Variants in EDARADD observed in about 807,000 individuals in gnomAD.
EDARADD encodes the protein ectodysplasin-A receptor-associated adapter protein.
A neutral mutation model predicts 25.6 loss-of-function variants in EDARADD; 20 were observed. That is an observed-to-expected ratio of 0.78 (90% CI 0.55 to 1.14). The LOEUF is 1.14. Ranked by LOEUF, EDARADD falls within the 50% of genes most tolerant of loss-of-function variation. The probability of loss-of-function intolerance (pLI) is 0.00; values close to 1 mark genes in which losing one functional copy is unlikely to be tolerated. For synonymous variants in EDARADD, 86 were observed against 94.4 expected (o/e 0.91, Z 0.52); for missense variants, 225 against 270.1 (o/e 0.83, Z 1.17).
rs1036785743 is a variant in EDARADD at position 236,411,876 on chromosome 1, A to C, written c.121-2384A>C. Among the ~76,000 whole-genome samples the C allele has an allele frequency of 2.0e-5, 3 of 152,108 alleles. No homozygotes were observed. In the East Asian group the frequency reaches 5.8e-4, roughly 29 times the overall value. On this transcript the variant is annotated intron_variant, in intron 2 of 5. Transcript: ENST00000334232. The stretch of plus-strand genomic sequence containing the variant: ...CTCGTCTCTTCTTTTAAAGATACCA[A>C]TCATATTGGGTCAAGGGCCTACCCT...
chr1:236,458,264 C>T (rs1465806115), intron 4 of EDARADD, among the ~76,000 whole-genome samples: 4 of 152,190 alleles, frequency 2.6e-5, no homozygotes, highest in Non-Finnish European at 5.9e-5. Context: ...AACTCCCATG[C>T]CCGTTGGCAG....
intron 3 of EDARADD, among the ~76,000 whole-genome samples, chr1:236,359,977 C>T (rs561471032): frequency 1.3e-5 from 2 of 152,192 alleles, no homozygotes; most frequent in East Asian, 3.9e-4. Context: ...AAATCTTCCC[C>T]TAAATAGATA....
chr1:236,395,574 C>T lies in EDARADD; in HGVS notation c.61+1069C>T, dbSNP rs1449231378. 2 of 1,544,478 alleles carry T rather than the reference C, an allele frequency of 1.3e-6. No individual in the cohort carries two copies. The highest frequency in any genetic ancestry group is 2.0e-5 in the Admixed American group (1 of 51,270). ...TCCCCGTGGTCCCACGGTCCTCCCG[C>T]GCCCCGGAGGCCTGCCAGCCCCGCT... is the stretch of plus-strand genomic sequence containing the variant. On this transcript the variant is annotated intron_variant, in intron 1 of 5. Transcript: ENST00000334232. This position sits in a 1 kb window ranked among gnomAD's most constrained non-coding sequence, Gnocchi z 6.9.
rs148801075 is a variant in EDARADD, at chr1:236,441,934, G to A, written c.219+14484G>A. ...GTTCATGAGCTTAAGGAAAGAAGTCGAAGTCATCTCCGTAACATAAAAGTG... is the reference window on the plus strand; with the variant it reads ...GTTCATGAGCTTAAGGAAAGAAGTCAAAGTCATCTCCGTAACATAAAAGTG... On this transcript the variant is annotated intron_variant, in intron 4 of 5. Transcript: ENST00000334232. Among the ~76,000 whole-genome samples, 146 of 152,230 alleles carry A rather than the reference G, an allele frequency of 9.6e-4. 2 individuals carry two copies. The highest frequency in any genetic ancestry group is 3.2e-3 in the African/African-American group (132 of 41,552).
chr1:236,413,524 A>G (rs1392216986), intron 2 of EDARADD, among the ~76,000 whole-genome samples: 2 of 152,172 alleles, frequency 1.3e-5, no homozygotes, highest in Non-Finnish European at 2.9e-5. Flanking sequence ...GGAGCTGAGC[A>G]GGGGTTAGGG....
intron 3 of EDARADD, among the ~76,000 whole-genome samples, chr1:236,386,491 C>T (rs1247942428): frequency 4.2e-5 from 1 of 23,898 alleles, no homozygotes; most frequent in East Asian, 2.2e-3. Context: ...CAGCCGCCAT[C>T]ACATTTAGGA....
intron 4 of EDARADD, among the ~76,000 whole-genome samples, chr1:236,438,645 C>A (rs1488261092): frequency 6.6e-6 from 1 of 152,164 alleles, no homozygotes; most frequent in East Asian, 1.9e-4. Context: ...TGCAAATCAT[C>A]CGTAGTTGAT....
chr1:236,356,332 C>G (rs145129926), intron 3 of EDARADD, among the ~76,000 whole-genome samples: 1 of 152,254 alleles, frequency 6.6e-6, no homozygotes, highest in Non-Finnish European at 1.5e-5. Flanking sequence ...AAAATAGCCT[C>G]CTATCAGAGG....
intron 3 of EDARADD, among the ~76,000 whole-genome samples, chr1:236,416,720 A>T (rs1172089779): frequency 3.3e-5 from 5 of 152,198 alleles, no homozygotes; most frequent in Non-Finnish European, 7.3e-5. Flanking sequence ...TTATATGTAA[A>T]TGAACCATGT....
At chr1:236,434,544 T>C (rs1304341341) in intron 4 of EDARADD, among the ~76,000 whole-genome samples, 2 of 152,252 alleles carry the variant, frequency 1.3e-5, no homozygotes, top group Non-Finnish European at 2.9e-5. Flanking sequence ...CTGGCCTTTT[T>C]GTGATTTTTT....
At chr1:236,402,753 G>A (rs757621215) in intron 1 of EDARADD, among the ~76,000 whole-genome samples, 4 of 151,876 alleles carry the variant, frequency 2.6e-5, no homozygotes, top group Non-Finnish European at 5.9e-5. Context: ...AAAACAGGCA[G>A]ATTATGAAGC....
Position 236,408,155 on chromosome 1 carries a change from C to G in EDARADD, c.62-1061C>G, listed in dbSNP as rs940196112. Among the ~76,000 whole-genome samples the G allele has an allele frequency of 2.4e-4, 36 of 152,026 alleles. 1 individual carries two copies. Among genetic ancestry groups the G allele is most frequent in the African/African-American group, 8.7e-4 (36 of 41,510 alleles). ...TGAAGATATTTATAGGTAACCTGTT[C>G]CAAAATATGGTGGGGTTTTTTATGT... On this transcript the variant is annotated intron_variant, in intron 1 of 5. Coordinates refer to ENST00000334232, the MANE Select transcript of EDARADD (RefSeq NM_145861.4).
chr1:236,442,787 T>C (rs1658435284), intron 4 of EDARADD, among the ~76,000 whole-genome samples: 1 of 152,324 alleles, frequency 6.6e-6, no homozygotes, highest in Non-Finnish European at 1.5e-5. Flanking sequence ...ACCCAAGAGC[T>C]TTGATGGAGA....
In EDARADD at chr1:236,414,256, A is replaced by G; in HGVS notation, c.121-4A>G. 1 of 1,609,358 alleles carries G rather than the reference A, an allele frequency of 6.2e-7. No homozygotes were observed. The highest frequency in any genetic ancestry group is 8.5e-7 in the Non-Finnish European group (1 of 1,175,804). On this transcript the variant is annotated splice_region_variant and splice_polypyrimidine_tract_variant and intron_variant, in intron 2 of 5. Transcript: ENST00000334232. ...TAATTCTCCTCTTTTGTTGGTTTCT[A>G]CAGTCAGACAAATATCCCATTCAAG... is the stretch of plus-strand genomic sequence containing the variant.
rs149944916 is a variant in EDARADD at position 236,479,067 on chromosome 1, A to G, written c.266-3200A>G. Among the ~76,000 whole-genome samples, 392 of 152,294 alleles carry G rather than the reference A, an allele frequency of 2.6e-3. 5 individuals carry two copies. Among genetic ancestry groups the G allele is most frequent in the African/African-American group, 8.9e-3 (368 of 41,566 alleles). On this transcript the variant is annotated intron_variant, in intron 5 of 5. Transcript: ENST00000334232. ...AAAAGATACAAATTGGGTGCAGTGTATACTGCTCGGGTGATGGGTGCACCA... is the reference window on the plus strand; with the variant it reads ...AAAAGATACAAATTGGGTGCAGTGTGTACTGCTCGGGTGATGGGTGCACCA...
chr1:236,405,725 T>TTTTCTTTCTTTCTTTCTTTC (rs1227603633), intron 1 of EDARADD, among the ~76,000 whole-genome samples: 5 of 120,542 alleles, frequency 4.1e-5, no homozygotes, highest in African/African-American at 3.4e-5. Flanking sequence ...CTTCCTTTCT[T>TTTTCTTTCTTTCTTTCTTTC]TTTCTTTCTT....
intron 3 of EDARADD, among the ~76,000 whole-genome samples, chr1:236,363,151 A>G (rs1667075484): frequency 6.8e-6 from 1 of 148,106 alleles, no homozygotes; most frequent in African/African-American, 2.5e-5. Context: ...TACAGGCATG[A>G]ACCACTACAC....
intron 4 of EDARADD, among the ~76,000 whole-genome samples, chr1:236,457,823 CAAA>C (rs1553269204): frequency 1.1e-4 from 13 of 118,236 alleles, no homozygotes; most frequent in African/African-American, 1.9e-4. Context: ...TGTCCCCCAC[CAAA>C]AAAAAAAAAA....
At chr1:236,368,445 T>TTG (rs1667137066) in intron 3 of EDARADD, among the ~76,000 whole-genome samples, 1 of 145,426 alleles carries the variant, frequency 6.9e-6, no homozygotes, top group Non-Finnish European at 1.5e-5. Context: ...CTTTTCTTTT[T>TTG]TTTTTTTTTT....
Sources: allele counts gnomAD v4.1 joint callset (sites outside exome capture counted in the v4.1 genomes callset), GRCh38; gene constraint gnomAD v4.1.1; non-coding constraint Gnocchi (gnomAD v3.1); transcripts MANE v1.5; gene names NCBI Gene and HGNC (gene_info 2026-07-23, HGNC 2026-07-21).